VPS13A: variants seen among roughly 807,000 people sequenced by gnomAD.
VPS13A encodes the protein vacuolar protein sorting 13 homolog A, also known as intermembrane lipid transfer protein VPS13A.
In VPS13A, 264 loss-of-function variants were observed where a neutral mutation model predicts 390.9. The observed-to-expected ratio is 0.68, with a 90% confidence interval of 0.61 to 0.75. The LOEUF is 0.75. VPS13A is among the 30% of genes least tolerant of loss of function. The pLI is 0.00. For synonymous variants in VPS13A, 1,231 were observed against 1,227.1 expected, an observed-to-expected ratio of 1.00 and a Z score of -0.07; for missense variants, 3,409 against 3,733.9, an observed-to-expected ratio of 0.91 and a Z score of 2.27.
intron 68 of VPS13A, among the ~76,000 whole-genome samples, chr9:77,400,974 A>G (rs1834364230): frequency 6.6e-6 from 1 of 152,194 alleles, no homozygotes; most frequent in Non-Finnish European, 1.5e-5. Context: ...TTAAAACGCC[A>G]TTTATTTGAT....
At chr9:77,229,249 T>G (rs756537535) in intron 17 of VPS13A, among the ~76,000 whole-genome samples, 5 of 152,006 alleles carry the variant, frequency 3.3e-5, no homozygotes, top group African/African-American at 4.8e-5. Flanking sequence ...CTTGCTAATT[T>G]TTAGAATTTT....
chr9:77,191,485 G>A (rs1261357676), intron 1 of VPS13A, among the ~76,000 whole-genome samples: 2 of 151,868 alleles, frequency 1.3e-5, no homozygotes, highest in African/African-American at 2.4e-5. Flanking sequence ...TTTTTGTAAA[G>A]ACAATGTTTC....
chr9:77,412,438 A>G (rs1183719317), intron 71 of VPS13A, among the ~76,000 whole-genome samples: 1 of 152,258 alleles, frequency 6.6e-6, no homozygotes, highest in Admixed American at 6.5e-5. Context: ...GGCTGGTTCA[A>G]CATATGCAAA....
rs1160131953 is a variant in VPS13A, at chr9:77,177,749, G to C, written c.45G>C (p.Leu15Phe). ...SVVVDVLNRF[L>F]GDYVVDLDTS... ...TCGTGGACGTGTTGAACCGGTTCTT[G>C]GGGGACTATGTGGTGGACTTGGACA... Residue 15 changes from leucine (L) to phenylalanine (F), a missense_variant, in exon 1 of 72, where the codon TTG becomes TTC. Leu to Phe is a conservative substitution (Grantham distance 22). This residue lies in a region of VPS13A where 2,717 missense variants were observed against 2,917.4 expected (regional missense o/e 0.93). Coordinates refer to ENST00000360280, the MANE Select transcript of VPS13A (RefSeq NM_033305.3). 4.3e-6 allele frequency: 7 copies of C among 1,613,546 alleles called. No individual in the cohort carries two copies. The highest frequency in any genetic ancestry group is 5.9e-6 in the Non-Finnish European group (7 of 1,179,714).
chr9:77,223,722 A>G lies in VPS13A; in HGVS notation c.1162-2204A>G, dbSNP rs76850785. On this transcript the variant is annotated intron_variant, in intron 13 of 71. Transcript: ENST00000360280. ...AAGGGAAGAAGCTGTCTCTATAACA[A>G]AAGTATAAGGCAAAGAAGAAAGTGC... is the stretch of plus-strand genomic sequence containing the variant. 3.5e-5 allele frequency among the ~76,000 whole-genome samples: 5 copies of G among 141,922 alleles called. 1 individual carries two copies. The highest frequency in any genetic ancestry group is 7.8e-5 in the Non-Finnish European group (5 of 64,030). 93.1% of individuals were successfully genotyped at this position (141,922 alleles called of 152,430 possible). A position where few individuals can be genotyped will look rare whatever the true frequency, so the allele number is the denominator to read the frequency against.
At chr9:77,391,546 C>G (rs73451849) in intron 68 of VPS13A, among the ~76,000 whole-genome samples, 1,924 of 152,186 alleles carry the variant, frequency 0.013, 45 homozygotes, top group African/African-American at 0.044. Flanking sequence ...CTAGTCACTT[C>G]TAATGATGAC....
At chr9:77,291,047 G>A (rs1286178722) in intron 31 of VPS13A, among the ~76,000 whole-genome samples, 3 of 152,138 alleles carry the variant, frequency 2.0e-5, no homozygotes, top group African/African-American at 4.8e-5. Flanking sequence ...CCCAACCCCC[G>A]GGCTGTAGAA....
Position 77,226,620 on chromosome 9 carries a change from G to A in VPS13A, c.1357+22G>A, listed in dbSNP as rs777192470. ...GAAAGTATGTCCATTTCATTTTACA[G>A]CATAGTTAATCACTGGGTGTCAAAA... On this transcript the variant is annotated intron_variant, in intron 15 of 71. Coordinates refer to ENST00000360280, the MANE Select transcript of VPS13A (RefSeq NM_033305.3). 15 of 1,607,336 alleles carry A rather than the reference G, an allele frequency of 9.3e-6. No homozygotes were observed. In the South Asian group the frequency reaches 1.4e-4, roughly 15 times the overall value.
chr9:77,300,703 G>A (rs996839199), intron 33 of VPS13A, among the ~76,000 whole-genome samples: 7 of 152,174 alleles, frequency 4.6e-5, no homozygotes, highest in African/African-American at 1.7e-4. Flanking sequence ...CTGCATTCCG[G>A]CCTGGATGAC....
chr9:77,215,208 A>G (rs770352472), intron 10 of VPS13A, among the ~76,000 whole-genome samples: 1 of 152,224 alleles, frequency 6.6e-6, no homozygotes, highest in Non-Finnish European at 1.5e-5. Context: ...TTGGTGATGG[A>G]TAACTTAATT....
intron 33 of VPS13A, among the ~76,000 whole-genome samples, chr9:77,299,229 C>G (rs1355664744): frequency 6.6e-6 from 1 of 152,066 alleles, no homozygotes; most frequent in Non-Finnish European, 1.5e-5. Flanking sequence ...TTAGGATTGT[C>G]TTGGCTATAC....
chr9:77,258,574 AT>A (rs1169788189), intron 22 of VPS13A, among the ~76,000 whole-genome samples: 3 of 152,182 alleles, frequency 2.0e-5, no homozygotes, highest in Non-Finnish European at 4.4e-5. Flanking sequence ...AATGGCTAGA[AT>A]TTGGTTTAAG....
chr9:77,304,790 A>G (rs1828614829), intron 34 of VPS13A, among the ~76,000 whole-genome samples: 1 of 152,148 alleles, frequency 6.6e-6, no homozygotes, highest in African/African-American at 2.4e-5. Flanking sequence ...GGCTTTGCTG[A>G]AGTGATAGCA....
At chr9:77,366,017 A>G (rs112009377) in intron 60 of VPS13A, among the ~76,000 whole-genome samples, 9 of 152,252 alleles carry the variant, frequency 5.9e-5, no homozygotes, top group African/African-American at 1.9e-4. Flanking sequence ...TATATATGCA[A>G]TACAATACAA....
intron 19 of VPS13A, among the ~76,000 whole-genome samples, chr9:77,246,926 A>G (rs1434062996): frequency 1.3e-5 from 2 of 152,094 alleles, no homozygotes; most frequent in African/African-American, 4.8e-5. Context: ...AGAAGTATCT[A>G]TGTAGATTCT....
chr9:77,228,833 G>A (rs1587373710), intron 17 of VPS13A, among the ~76,000 whole-genome samples: 3 of 152,040 alleles, frequency 2.0e-5, no homozygotes, highest in African/African-American at 7.2e-5. Flanking sequence ...CTCTTCCCTG[G>A]TGGCAGCAAG....
At chr9:77,300,480 C>T (rs977649714) in intron 33 of VPS13A, among the ~76,000 whole-genome samples, 1 of 152,110 alleles carries the variant, frequency 6.6e-6, no homozygotes, top group Non-Finnish European at 1.5e-5. Flanking sequence ...GCCTGTAAAC[C>T]CAGCACTTTG....
chr9:77,292,483 T>C (rs1258832890), intron 31 of VPS13A, among the ~76,000 whole-genome samples: 1 of 152,106 alleles, frequency 6.6e-6, no homozygotes, highest in Non-Finnish European at 1.5e-5. Context: ...TTTCCTTTTC[T>C]TAAGGTTTGG....
At chr9:77,414,755 T>C (rs1437253931) in intron 71 of VPS13A, among the ~76,000 whole-genome samples, 5 of 149,472 alleles carry the variant, frequency 3.3e-5, no homozygotes, top group Non-Finnish European at 4.4e-5. Context: ...ATAATAATAA[T>C]AATAATAATA....
Sources: gnomAD v4.1 joint callset for allele counts (sites outside exome capture counted in the v4.1 genomes callset) on GRCh38, gnomAD v4.1.1 for gene constraint, gnomAD v4.1.1 regional missense constraint, MANE v1.5 for transcripts, NCBI Gene and HGNC (gene_info 2026-07-23, HGNC 2026-07-21) for gene names.